Variants in ATP13A4 observed in about 807,000 individuals in gnomAD.
ATP13A4 encodes the protein ATPase 13A4.
Under a neutral mutation model 142.5 loss-of-function variants are expected in ATP13A4, and 114 were observed. The ratio of observed to expected loss-of-function variants is 0.80; its 90% confidence interval spans 0.69 to 0.93. The LOEUF (loss-of-function observed/expected upper bound fraction) is 0.93, where lower values mean the gene tolerates loss of function less well. ATP13A4 is among the 40% of genes least tolerant of loss of function. The pLI is 0.00. For missense variants in ATP13A4, 1,392 were observed against 1,454.0 expected (o/e 0.96, Z 0.69); for synonymous variants, 488 against 514.8 (o/e 0.95, Z 0.70).
chr3:193,523,132 G>A (rs1167359285), intron 1 of ATP13A4, among the ~76,000 whole-genome samples: 3 of 151,984 alleles, frequency 2.0e-5, no homozygotes, highest in Admixed American at 6.6e-5. Flanking sequence ...GTGAAACCCC[G>A]TCTCTACTAA....
At chr3:193,478,465 C>T (rs1449768883) in intron 8 of ATP13A4, among the ~76,000 whole-genome samples, 2 of 151,876 alleles carry the variant, frequency 1.3e-5, no homozygotes, top group Non-Finnish European at 1.5e-5. Flanking sequence ...AACACAGAAA[C>T]ACAAAAGATC....
At chr3:193,423,250 C>T (rs1018417295) in intron 25 of ATP13A4, among the ~76,000 whole-genome samples, 1 of 149,478 alleles carries the variant, frequency 6.7e-6, no homozygotes, top group Admixed American at 6.9e-5. Flanking sequence ...ACGTTCAGTA[C>T]CTGATGGCTT....
chr3:193,576,256 T>G (rs1359151555), intron 2 of ATP13A4, among the ~76,000 whole-genome samples: 1 of 104,754 alleles, frequency 9.5e-6, no homozygotes, highest in African/African-American at 4.2e-5. Flanking sequence ...AATCTTTTTT[T>G]TTTTTTTTTT....
intron 21 of ATP13A4, among the ~76,000 whole-genome samples, chr3:193,439,479 G>A (rs1716498796): frequency 6.6e-6 from 1 of 152,156 alleles, no homozygotes; most frequent in Admixed American, 6.5e-5. Context: ...GAAGGGCTAT[G>A]AGTATTAAAT....
intron 2 of ATP13A4, among the ~76,000 whole-genome samples, chr3:193,574,218 G>A (rs1724347575): frequency 6.6e-6 from 1 of 152,198 alleles, no homozygotes; most frequent in Non-Finnish European, 1.5e-5. Flanking sequence ...CAGATAAGAT[G>A]TCTGCCTCCG....
At chr3:193,514,390 A>G (rs1019139809) in intron 2 of ATP13A4, among the ~76,000 whole-genome samples, 2 of 152,192 alleles carry the variant, frequency 1.3e-5, no homozygotes, top group African/African-American at 4.8e-5. Context: ...AGCTCCATCC[A>G]TGTCCTGAAA....
At chr3:193,524,706 A>C (rs936764422) in intron 1 of ATP13A4, among the ~76,000 whole-genome samples, 22 of 152,222 alleles carry the variant, frequency 1.4e-4, no homozygotes, top group Non-Finnish European at 7.3e-5. Flanking sequence ...ATATCTAAAA[A>C]ATAAGAATAC....
chr3:193,552,964 C>G (rs955814548), intron 1 of ATP13A4, among the ~76,000 whole-genome samples: 1 of 152,150 alleles, frequency 6.6e-6, no homozygotes, highest in Non-Finnish European at 1.5e-5. Flanking sequence ...TTAAAGTTTA[C>G]TGCTCTGGGC....
chr3:193,469,679 T>C (rs1245407900), intron 9 of ATP13A4, among the ~76,000 whole-genome samples: 3 of 152,154 alleles, frequency 2.0e-5, no homozygotes, highest in Non-Finnish European at 4.4e-5. Flanking sequence ...AATTGGGACT[T>C]TGGCAACTTT....
chr3:193,526,669 C>A (rs1336214133), intron 1 of ATP13A4, among the ~76,000 whole-genome samples: 1 of 151,920 alleles, frequency 6.6e-6, no homozygotes, highest in Non-Finnish European at 1.5e-5. Context: ...GATTTTGATC[C>A]TGTAAACTTC....
At chr3:193,548,551 A>G (rs1723353486) in intron 1 of ATP13A4, among the ~76,000 whole-genome samples, 1 of 152,206 alleles carries the variant, frequency 6.6e-6, no homozygotes, top group Non-Finnish European at 1.5e-5. Context: ...CAGCCTGAAC[A>G]CAATTCCCCC....
rs138454302 is a variant in ATP13A4, at chr3:193,514,751, G to A, written c.181C>T (p.His61Tyr). 5.0e-6 allele frequency: 8 copies of A among 1,614,166 alleles called. No individual in the cohort carries two copies. Among genetic ancestry groups the A allele is most frequent in the Non-Finnish European group, 6.8e-6 (8 of 1,180,030 alleles). The change falls in exon 2 of 30, where the codon CAT becomes TAT. Residue 61 changes from histidine (H) to tyrosine (Y), a missense_variant. Transcript: ENST00000342695. ...YWRPAWHVWA[H>Y]CVPCSLQEAD... ...TCTTGCAAGGAACATGGGACACAAT[G>A]TGCCCATACGTGCCATGCTGGTCTC...
At chr3:193,438,277 A>C (rs1716417652) in intron 23 of ATP13A4, among the ~76,000 whole-genome samples, 198 bp downstream of exon 23, 1 of 152,206 alleles carries the variant, frequency 6.6e-6, no homozygotes, top group Non-Finnish European at 1.5e-5. Flanking sequence ...AATTCACTGG[A>C]AATGCCACTG....
intron 16 of ATP13A4, 78 bp downstream of exon 16, chr3:193,456,922 T>A: frequency 6.6e-7 from 1 of 1,525,778 alleles, no homozygotes; most frequent in African/African-American, 1.4e-5. Context: ...GCGATTGAAT[T>A]AATAGATCAA....
At position 193,399,845 on chromosome 3, in the gene ATP13A4, CA is replaced by C. The variant is rs71177402; in HGVS notation, c.*2806del. On this transcript the variant is annotated 3_prime_UTR_variant, in exon 30 of 30. Transcript: ENST00000342695. ...TGGGCAACAGAGTGAGACTCCATCTCAAAAAAAAAAAAAAAAAAAAAAGGTT... is the reference window on the plus strand; with the variant it reads ...TGGGCAACAGAGTGAGACTCCATCTCAAAAAAAAAAAAAAAAAAAAAGGTT... Among the ~76,000 whole-genome samples the C allele has an allele frequency of 0.11, 7,778 of 72,348 alleles. 195 individuals carry two copies. The highest frequency in any genetic ancestry group is 0.24 in the Middle Eastern group (19 of 80). 47.5% of individuals were successfully genotyped at this position (72,348 alleles called of 152,430 possible). A position where few individuals can be genotyped will look rare whatever the true frequency, so the allele number is the denominator to read the frequency against.
At chr3:193,462,340 T>C (rs946260406) in intron 13 of ATP13A4, among the ~76,000 whole-genome samples, 1 of 152,138 alleles carries the variant, frequency 6.6e-6, no homozygotes, top group East Asian at 1.9e-4. Flanking sequence ...TTCCTCTTCC[T>C]GAAATTCAGG....
In ATP13A4 at chr3:193,554,653, CGTGTGTGTGTGTGTGTGTGT is replaced by C. The variant is rs58073069; in HGVS notation, c.60+67_60+86del. The stretch of plus-strand genomic sequence containing the variant: ...AAAGTCTGTGTGTGTGTGATGCGTG[CGTGTGTGTGTGTGTGTGTGT>C]GTGTGTGTGTGTGTCTCGCAGGCTG... On this transcript the variant is annotated intron_variant, in intron 1 of 29. Transcript: ENST00000342695. The C allele has an allele frequency of 8.1e-6, 10 of 1,229,610 alleles. No homozygotes were observed. The Admixed American group carries it at 8.5e-5, about 10-fold the overall frequency. The allele number at this position is 1,229,610 out of a possible 1,614,324, so 76.2% of individuals were successfully genotyped here. A position where few individuals can be genotyped will look rare whatever the true frequency, so the allele number is the denominator to read the frequency against.
intron 1 of ATP13A4, among the ~76,000 whole-genome samples, chr3:193,589,738 A>G (rs1340634389): frequency 6.6e-6 from 1 of 152,194 alleles, no homozygotes; most frequent in African/African-American, 2.4e-5. Context: ...AGGGTTTACA[A>G]TAAATGTAAG....
chr3:193,425,005 A>T lies in ATP13A4; in HGVS notation c.2842+8840T>A, dbSNP rs1669758866. Reference sequence around the variant, plus strand: ...AAAAAAAAACTCAATAGCAAAAATAATAATAAAATAATTCAATTAAAAAAT... The same window carrying T: ...AAAAAAAAACTCAATAGCAAAAATATTAATAAAATAATTCAATTAAAAAAT... On this transcript the variant is annotated intron_variant, in intron 25 of 29. Transcript: ENST00000342695. Among the ~76,000 whole-genome samples the T allele has an allele frequency of 1.3e-5, 2 of 149,288 alleles. 1 individual carries two copies. Among genetic ancestry groups the T allele is most frequent in the South Asian group, 4.2e-4 (2 of 4,756 alleles).
Sources: gnomAD v4.1 joint callset for allele counts (sites outside exome capture counted in the v4.1 genomes callset) on GRCh38, gnomAD v4.1.1 for gene constraint, MANE v1.5 for transcripts, NCBI Gene and HGNC (gene_info 2026-07-23, HGNC 2026-07-21) for gene names.